GRIPAP1: variants seen among roughly 807,000 people sequenced by gnomAD.
GRIPAP1 encodes the protein GRIP1-associated protein 1.
Under a neutral mutation model 84.1 loss-of-function variants are expected in GRIPAP1, and 14 were observed. The observed-to-expected ratio is 0.17, with a 90% confidence interval of 0.11 to 0.26. The LOEUF (loss-of-function observed/expected upper bound fraction) is 0.26. Among genes scored for constraint, GRIPAP1 ranks in the 10% least tolerant of loss-of-function variants. The pLI is 1.00. For synonymous variants in GRIPAP1, 261 were observed against 256.8 expected, an observed-to-expected ratio of 1.02 and a Z score of -0.15; for missense variants, 518 against 674.2, an observed-to-expected ratio of 0.77 and a Z score of 2.57.
chrX:48,999,429 C>A lies in GRIPAP1; in HGVS notation c.109+9G>T, dbSNP rs2147751630. 2 of 1,193,070 alleles carry A rather than the reference C, an allele frequency of 1.7e-6. No individual in the cohort carries two copies. Among genetic ancestry groups the A allele is most frequent in the East Asian group, 5.9e-5 (2 of 33,783 alleles). On this transcript the variant is annotated intron_variant, in intron 2 of 25. Transcript: ENST00000376423. The stretch of plus-strand genomic sequence containing the variant: ...GCCACCCCCATCTAATAAGGCCCTC[C>A]TGGCTCACCAACACCATTCTTGCGT...
chrX:49,002,222 T>C lies in GRIPAP1; in HGVS notation c.8A>G (p.Gln3Arg). Residue 3 changes from glutamine to arginine, a missense_variant, in exon 1 of 26, where the codon CAA (glutamine) becomes CGA (arginine). Gln to Arg is a conservative substitution (Grantham distance 43). Around this residue, in one of 5 missense-constraint regions of GRIPAP1, gnomAD observed 372 missense variants for 458.1 expected, o/e 0.81. Transcript: ENST00000376423. MAQALSEEEFQRM... is the reference protein window; with the variant it reads MARALSEEEFQRM... Reference sequence around the variant, plus strand: ...CTGAAACTCCTCCTCAGACAGAGCTTGCGCCATGTTCCTCCCCCCACCCCC... The same window carrying C: ...CTGAAACTCCTCCTCAGACAGAGCTCGCGCCATGTTCCTCCCCCCACCCCC... 8.6e-7 allele frequency: 1 copy of C among 1,159,345 alleles called. No homozygotes were observed. Among genetic ancestry groups the C allele is most frequent in the Non-Finnish European group, 1.2e-6 (1 of 854,244 alleles).
intron 25 of GRIPAP1, among the ~76,000 whole-genome samples, chrX:48,974,664 C>T (rs934625652): frequency 9.0e-6 from 1 of 111,614 alleles, no homozygotes. Context: ...GCAGTTTGGG[C>T]AGAAAGATGT....
intron 16 of GRIPAP1, 56 bp from the exon 17 acceptor site, chrX:48,983,148 C>A: frequency 9.0e-7 from 1 of 1,114,829 alleles, no homozygotes; most frequent in Non-Finnish European, 1.2e-6. Flanking sequence ...GCACCTGATG[C>A]ATGCCACCCA....
chrX:48,999,265 C>T lies in GRIPAP1; in HGVS notation c.144G>A (p.Leu48=), dbSNP rs782603802. The stretch of plus-strand genomic sequence containing the variant: ...TCTGAGCTTTGCTGAACTCCTTATC[C>T]AAGTAGGCGACCTTCTGTCGAAGAC... ...LTSLRQKVAY[L]DKEFSKAQKA... Residue 48 remains leucine (L), a synonymous_variant, in exon 3 of 26, where the codon TTG becomes TTA. Coordinates refer to ENST00000376423, the MANE Select transcript of GRIPAP1 (RefSeq NM_020137.5). The T allele has an allele frequency of 7.4e-6, 9 of 1,208,855 alleles. No individual in the cohort carries two copies. The highest frequency in any genetic ancestry group is 1.0e-5 in the Non-Finnish European group (9 of 893,129).
intron 25 of GRIPAP1, among the ~76,000 whole-genome samples, chrX:48,974,725 G>A (rs1257512135): frequency 8.9e-6 from 1 of 111,838 alleles, no homozygotes; most frequent in Non-Finnish European, 1.9e-5. Context: ...ATTGGTGGAC[G>A]AATGAATTGT....
intron 22 of GRIPAP1, among the ~76,000 whole-genome samples, chrX:48,976,581 T>C (rs1317971944): frequency 9.0e-6 from 1 of 111,337 alleles, no homozygotes; most frequent in African/African-American, 3.3e-5. Context: ...GTGGAGAGGA[T>C]TGAAGGAAGA....
At chrX:48,979,478 CAAAAAA>C (rs2064442674) in intron 21 of GRIPAP1, among the ~76,000 whole-genome samples, 4 of 3,675 alleles carry the variant, frequency 1.1e-3, no homozygotes, top group South Asian at 0.071. Flanking sequence ...CTCCGTCTAA[CAAAAAA>C]AAAAAAAAAA....
At chrX:48,998,264 G>A (rs1283232304) in intron 3 of GRIPAP1, 84 bp from the exon 4 acceptor site, 11 of 651,204 alleles carry the variant, frequency 1.7e-5, no homozygotes, top group African/African-American at 2.2e-5. Context: ...TGTGCCAAGC[G>A]TTTTGGGAGG....
At chrX:48,977,260 A>G (rs2064427950) in intron 22 of GRIPAP1, 1 of 110,782 alleles carries the variant, frequency 9.0e-6, no homozygotes, top group Non-Finnish European at 1.9e-5. Flanking sequence ...TGAATAAAAA[A>G]CAGGTTAATC....
At chrX:48,998,924 T>G in intron 3 of GRIPAP1, 1 of 270,527 alleles carries the variant, frequency 3.7e-6, no homozygotes, top group South Asian at 7.0e-5. Context: ...GGAGTGTGAG[T>G]AGAGGATGGG....
At chrX:48,987,745 A>G (rs1462935236) in intron 13 of GRIPAP1, 40 bp downstream of exon 13, 6 of 819,167 alleles carry the variant, frequency 7.3e-6, no homozygotes, top group Admixed American at 2.4e-5. Context: ...AGATGGGGGA[A>G]CTGGAGAGGG....
intron 13 of GRIPAP1, among the ~76,000 whole-genome samples, chrX:48,987,144 G>A (rs1400489628): frequency 1.2e-4 from 11 of 89,164 alleles, no homozygotes; most frequent in Non-Finnish European, 2.0e-4. Flanking sequence ...CACCATGCCC[G>A]GCTTTTTTTT....
rs782291694 is a variant in GRIPAP1 at position 48,978,321 on chromosome X, G to A, written c.2045C>T (p.Ser682Leu). Residue 682 changes from serine to leucine, a missense_variant, in exon 22 of 26, where the codon TCG becomes TTG. Ser to Leu is a moderately radical substitution (Grantham distance 145, BLOSUM62 -2). This residue lies in a region of GRIPAP1 where 66 missense variants were observed against 65.2 expected (regional missense o/e 1.01). Transcript: ENST00000376423. ...YREILREKESSAVPARSLSSS... is the reference protein window; with the variant it reads ...YREILREKESLAVPARSLSSS... ...TCCCCTTACCCTGGCTGGAACAGCC[G>A]AGCTCTCCTTTTCCCGCAAGATCTC... 5.8e-6 allele frequency: 7 copies of A among 1,209,343 alleles called. No individual in the cohort carries two copies. The highest frequency in any genetic ancestry group is 1.8e-5 in the South Asian group (1 of 56,420).
chrX:48,997,585 C>T (rs1028079174), intron 4 of GRIPAP1, among the ~76,000 whole-genome samples: 7 of 103,840 alleles, frequency 6.7e-5, no homozygotes, highest in South Asian at 8.8e-4. Flanking sequence ...AGGAAGAGAG[C>T]GGAGGAAAAG....
rs1021533776 is a variant in GRIPAP1, at chrX:48,980,886, A to G, written c.1930+329T>C. On this transcript the variant is annotated intron_variant, in intron 21 of 25. Coordinates refer to ENST00000376423, the MANE Select transcript of GRIPAP1 (RefSeq NM_020137.5). Reference sequence around the variant, plus strand: ...CAACAAGAGCGAAACTCTGTCTCAAAAAAAAAAAAAGAGAGAGAAAAGGAG... The same window carrying G: ...CAACAAGAGCGAAACTCTGTCTCAAGAAAAAAAAAAGAGAGAGAAAAGGAG... 13 of 212,025 alleles carry G rather than the reference A, an allele frequency of 6.1e-5. 1 individual carries two copies. Among genetic ancestry groups the G allele is most frequent in the African/African-American group, 1.5e-4 (5 of 33,643 alleles). 17.5% of individuals were successfully genotyped at this position (212,025 alleles called of 1,213,427 possible). A position where few individuals can be genotyped will look rare whatever the true frequency, so the allele number is the denominator to read the frequency against.
chrX:48,976,073 C>T lies in GRIPAP1; in HGVS notation c.2223G>A (p.Glu741=), dbSNP rs782159873. The T allele has an allele frequency of 1.7e-6, 2 of 1,211,818 alleles. No homozygotes were observed. The highest frequency in any genetic ancestry group is 3.5e-5 in the South Asian group (2 of 56,994). Residue 741 remains glutamate (E), a synonymous_variant, in exon 24 of 26, where the codon GAG becomes GAA. Transcript: ENST00000376423. ...TGATGGCGCTCTTCCGGCAGAGGTC[C>T]TCTGCCATGGAAGCACTGCTCACTT... The part of the protein sequence containing the change: ...HLEVSSASMA[E]DLCRKSAIIE...
At chrX:48,979,204 G>A (rs936678390) in intron 21 of GRIPAP1, among the ~76,000 whole-genome samples, 4 of 110,124 alleles carry the variant, frequency 3.6e-5, no homozygotes. Context: ...GATGCCGGGC[G>A]CGGTGGCTCA....
chrX:48,980,095 G>A (rs144963637), intron 21 of GRIPAP1, among the ~76,000 whole-genome samples: 1,162 of 110,836 alleles, frequency 0.01, 21 homozygotes, highest in African/African-American at 0.036. Context: ...TATCCCGAGT[G>A]GGGGAATAAG....
At chrX:49,000,791 T>C (rs2064575208) in intron 1 of GRIPAP1, 1 of 110,781 alleles carries the variant, frequency 9.0e-6, no homozygotes, top group African/African-American at 3.3e-5. Context: ...TTCCTTCCCA[T>C]TAAGGAACTT....
Sources: gnomAD v4.1 joint callset for allele counts (sites outside exome capture counted in the v4.1 genomes callset) on GRCh38, gnomAD v4.1.1 for gene constraint, gnomAD v4.1.1 regional missense constraint, MANE v1.5 for transcripts, NCBI Gene and HGNC (gene_info 2026-07-23, HGNC 2026-07-21) for gene names.